Variants in NTN1 observed in about 807,000 individuals in gnomAD.
NTN1 encodes the protein netrin 1.
In NTN1, 11 loss-of-function variants were observed where a neutral mutation model predicts 54.2. The observed-to-expected ratio is 0.20, with a 90% confidence interval of 0.13 to 0.34. NTN1 has a LOEUF of 0.34. Among genes scored for constraint, NTN1 ranks in the 10% least tolerant of loss-of-function variants. NTN1 has a pLI of 1.00. For missense variants in NTN1, 740 were observed against 893.1 expected, an observed-to-expected ratio of 0.83 and a Z score of 2.18; for synonymous variants, 371 against 382.0, an observed-to-expected ratio of 0.97 and a Z score of 0.33.
At chr17:9,071,961 C>T (rs770533032) in intron 2 of NTN1, among the ~76,000 whole-genome samples, 1 of 152,220 alleles carries the variant, frequency 6.6e-6, no homozygotes, top group Non-Finnish European at 1.5e-5. Context: ...GCAGATGCTG[C>T]AGTTTCCACA....
chr17:9,112,935 A>T (rs2092197425), intron 2 of NTN1, among the ~76,000 whole-genome samples: 1 of 151,928 alleles, frequency 6.6e-6, no homozygotes, highest in African/African-American at 2.4e-5. Context: ...AATGTGTTAG[A>T]TACGATTCGT....
intron 2 of NTN1, among the ~76,000 whole-genome samples, chr17:9,093,155 A>G (rs967257558): frequency 8.5e-5 from 13 of 152,194 alleles, no homozygotes; most frequent in Non-Finnish European, 1.9e-4. Flanking sequence ...GGCCTCCCAA[A>G]GTGTTGCGAT....
chr17:9,160,587 A>G (rs1052535211), intron 2 of NTN1, among the ~76,000 whole-genome samples: 5 of 152,252 alleles, frequency 3.3e-5, no homozygotes, highest in African/African-American at 1.2e-4. Flanking sequence ...CTCTGTAGCA[A>G]CTGTGGTTGG....
intron 5 of NTN1, among the ~76,000 whole-genome samples, chr17:9,215,934 C>T (rs2142350811): frequency 2.0e-5 from 3 of 152,258 alleles, no homozygotes; most frequent in African/African-American, 7.2e-5. Flanking sequence ...TCTACAGTAT[C>T]ATGAATCTTT....
At chr17:9,010,836 T>G in the NTN1 span, among the ~76,000 whole-genome samples, 1 of 152,152 alleles carries the variant, frequency 6.6e-6, no homozygotes, top group Admixed American at 6.5e-5. Context: ...TAGGGGATAG[T>G]TTTGGGATGA....
At chr17:9,225,780 C>T (rs1905518504) in intron 6 of NTN1, among the ~76,000 whole-genome samples, 2 of 152,194 alleles carry the variant, frequency 1.3e-5, no homozygotes, top group Admixed American at 1.3e-4. Flanking sequence ...CTCTGACTGA[C>T]ACCCGGCAGG....
chr17:9,161,381 C>T (rs925461312), intron 2 of NTN1, among the ~76,000 whole-genome samples: 2 of 152,058 alleles, frequency 1.3e-5, no homozygotes, highest in Non-Finnish European at 1.5e-5. Context: ...GCATAAAGAG[C>T]GAGAGGCTGA....
chr17:9,105,693 T>G (rs2092163873), intron 2 of NTN1, among the ~76,000 whole-genome samples: 1 of 152,050 alleles, frequency 6.6e-6, no homozygotes, highest in African/African-American at 2.4e-5. Context: ...TCTCTGTCTC[T>G]CTGTCTCTCT....
At chr17:9,004,692 T>A in the NTN1 span, among the ~76,000 whole-genome samples, 1 of 152,060 alleles carries the variant, frequency 6.6e-6, no homozygotes, top group Non-Finnish European at 1.5e-5. Context: ...GGCTCGGCTC[T>A]AGCCAGGTGA....
chr17:9,087,381 T>C (rs927098222), intron 2 of NTN1, among the ~76,000 whole-genome samples: 4 of 152,124 alleles, frequency 2.6e-5, no homozygotes, highest in Non-Finnish European at 4.4e-5. Flanking sequence ...AGCTTGAGTG[T>C]AGGGCAAGGT....
chr17:9,077,254 GTGA>G (rs2092053765), intron 2 of NTN1, among the ~76,000 whole-genome samples: 1 of 152,196 alleles, frequency 6.6e-6, no homozygotes, highest in African/African-American at 2.4e-5. Flanking sequence ...AATGGAAGTA[GTGA>G]TGTAGATTTT....
chr17:9,239,576 T>C lies in NTN1; in HGVS notation c.1487-64T>C, dbSNP rs540879527. The stretch of plus-strand genomic sequence containing the variant: ...GGTCTCCTTTCCCTTCTCCCCAGGC[T>C]CAGGCAGGGCGGACCTAGCCACAGC... On this transcript the variant is annotated intron_variant, in intron 6 of 6. Coordinates refer to ENST00000173229, the MANE Select transcript of NTN1 (RefSeq NM_004822.3). The surrounding 1 kb of genome is among the most constrained non-coding windows in gnomAD (Gnocchi z 5.2). 28 of 1,525,450 alleles carry C rather than the reference T, an allele frequency of 1.8e-5. No individual in the cohort carries two copies. Among genetic ancestry groups the C allele is most frequent in the Admixed American group, 1.2e-4 (7 of 57,908 alleles). 94.5% of individuals were successfully genotyped at this position (1,525,450 alleles called of 1,614,324 possible).
At chr17:9,012,861 C>T in the NTN1 span, among the ~76,000 whole-genome samples, 3 of 152,310 alleles carry the variant, frequency 2.0e-5, no homozygotes, top group East Asian at 5.8e-4. Context: ...TAAACGCATC[C>T]TGTTTCATTT....
At chr17:9,134,419 C>T (rs1290167421) in intron 2 of NTN1, among the ~76,000 whole-genome samples, 1 of 152,168 alleles carries the variant, frequency 6.6e-6, no homozygotes, top group African/African-American at 2.4e-5. Context: ...GTTGCAGCTG[C>T]CTCTCTCTGG....
chr17:9,119,176 A>ATTAT (rs555594264), intron 2 of NTN1, among the ~76,000 whole-genome samples: 1,883 of 150,138 alleles, frequency 0.013, 38 homozygotes, highest in African/African-American at 0.043. Context: ...TTAAAAATGT[A>ATTAT]TTATTTATTT....
At chr17:9,108,864 TTTTTCTTTCTTTTC>T (rs1335673242) in intron 2 of NTN1, among the ~76,000 whole-genome samples, 11 of 152,176 alleles carry the variant, frequency 7.2e-5, no homozygotes, top group Non-Finnish European at 1.5e-4. Flanking sequence ...TTTCTTTTTC[TTTTTCTTTCTTTTC>T]TTTTCTTTCT....
At chr17:9,108,397 A>G (rs1009354278) in intron 2 of NTN1, among the ~76,000 whole-genome samples, 2 of 152,140 alleles carry the variant, frequency 1.3e-5, no homozygotes, top group African/African-American at 2.4e-5. Context: ...ATCAAAGTCT[A>G]ATCAGCAGAG....
chr17:9,131,940 C>T (rs1424334529), intron 2 of NTN1, among the ~76,000 whole-genome samples: 1 of 151,178 alleles, frequency 6.6e-6, no homozygotes, highest in African/African-American at 2.4e-5. Context: ...ATAGCCGGGA[C>T]TACAGGCGCC....
chr17:9,213,272 A>C (rs532013527), intron 5 of NTN1, among the ~76,000 whole-genome samples: 5 of 152,364 alleles, frequency 3.3e-5, no homozygotes, highest in Middle Eastern at 3.4e-3. Context: ...GCCTGTGTCC[A>C]GCCCTGGCAG....
Sources: allele counts gnomAD v4.1 joint callset (sites outside exome capture counted in the v4.1 genomes callset), GRCh38; gene constraint gnomAD v4.1.1; non-coding constraint Gnocchi (gnomAD v3.1); transcripts MANE v1.5; gene names NCBI Gene and HGNC (gene_info 2026-07-23, HGNC 2026-07-21).